Variants in STIM2 observed in about 807,000 individuals in gnomAD.
STIM2 encodes stromal interaction molecule 2.
STIM2 carries 31 observed loss-of-function variants against 85.8 expected under a neutral mutation model. The observed-to-expected ratio is 0.36, with a 90% CI of 0.27 to 0.49. The LOEUF is 0.49. Among genes scored for constraint, STIM2 ranks in the 20% least tolerant of loss-of-function variants. STIM2 has a pLI of 0.98. For missense variants in STIM2, 841 were observed against 927.6 expected (o/e 0.91, Z 1.21); for synonymous variants, 356 against 331.1 (o/e 1.08, Z -0.82).
At chr4:26,992,230 A>C (rs1005459186) in intron 3 of STIM2, among the ~76,000 whole-genome samples, 3 of 152,176 alleles carry the variant, frequency 2.0e-5, no homozygotes, top group African/African-American at 7.2e-5. Flanking sequence ...AAGACTTATT[A>C]ATTAAACATG....
intron 8 of STIM2, 32 bp from the exon 9 acceptor site, chr4:27,008,396 C>A (rs760275650): frequency 2.4e-5 from 34 of 1,390,816 alleles, no homozygotes; most frequent in Non-Finnish European, 3.1e-5. Context: ...TTTTTTCAAA[C>A]CTAGCCTTAT....
Position 27,007,540 on chromosome 4 carries a change from T to C in STIM2, c.989T>C (p.Met330Thr), listed in dbSNP as rs780868761. The change falls in exon 8 of 12, where the codon ATG becomes ACG. Residue 330 changes from methionine to threonine, a missense_variant. Coordinates refer to ENST00000467087, the MANE Select transcript of STIM2 (RefSeq NM_020860.4). ...TTCCTTTCCTTCTTCTAGGTTCGCA[T>C]GGCTCTGAAAAAGGCCGAAAAAGAA... 1 of 1,537,018 alleles carries C rather than the reference T, an allele frequency of 6.5e-7. No individual in the cohort carries two copies. Among genetic ancestry groups the C allele is most frequent in the East Asian group, 2.4e-5 (1 of 42,272 alleles).
intron 10 of STIM2, among the ~76,000 whole-genome samples, chr4:27,011,343 C>T (rs1728549108): frequency 6.6e-6 from 1 of 152,132 alleles, no homozygotes. Context: ...TTAACCATAA[C>T]TTATATGTTT....
chr4:27,018,859 C>G (rs1728821189), intron 11 of STIM2, among the ~76,000 whole-genome samples: 2 of 152,200 alleles, frequency 1.3e-5, no homozygotes, highest in Non-Finnish European at 1.5e-5. Context: ...TATTTGTTGT[C>G]ACTTAATGAT....
At chr4:26,867,988 T>G (rs1722467886) in intron 1 of STIM2, among the ~76,000 whole-genome samples, 1 of 152,246 alleles carries the variant, frequency 6.6e-6, no homozygotes, top group Admixed American at 6.5e-5. Context: ...TTTTTGGCTT[T>G]ATTTCCTTTG....
chr4:27,002,272 T>C lies in STIM2; in HGVS notation c.681T>C (p.Gly227=). The change falls in exon 6 of 12, where the codon GGT becomes GGC. Residue 227 remains glycine (G), a synonymous_variant. Transcript: ENST00000467087. Reference sequence around the variant, plus strand: ...TCCTCACAGTTTCTATAGTAATTGGTGTTGGAGGCTGCTGGTTTGCTTATA... The same window carrying C: ...TCCTCACAGTTTCTATAGTAATTGGCGTTGGAGGCTGCTGGTTTGCTTATA... 1 of 1,613,436 alleles carries C rather than the reference T, an allele frequency of 6.2e-7. No individual in the cohort carries two copies. The highest frequency in any genetic ancestry group is 8.5e-7 in the Non-Finnish European group (1 of 1,179,842).
intron 2 of STIM2, among the ~76,000 whole-genome samples, chr4:26,954,233 A>G (rs1560218480): frequency 6.6e-6 from 1 of 152,194 alleles, no homozygotes; most frequent in Non-Finnish European, 1.5e-5. Context: ...CCCAAACTGG[A>G]TATGTAAAGC....
chr4:26,911,864 GC>G (rs1367881138), intron 1 of STIM2, among the ~76,000 whole-genome samples: 2 of 152,198 alleles, frequency 1.3e-5, no homozygotes, highest in Admixed American at 6.5e-5. Flanking sequence ...TGGAGAAATA[GC>G]CATTAATCCT....
intron 2 of STIM2, among the ~76,000 whole-genome samples, chr4:26,928,235 C>G (rs1430197822): frequency 1.3e-5 from 2 of 152,170 alleles, no homozygotes; most frequent in African/African-American, 2.4e-5. Flanking sequence ...TACTTCCTAA[C>G]ACTGCCACAA....
rs183808571 is a variant in STIM2 at position 26,894,544 on chromosome 4, T to C, written c.152-24960T>C. On this transcript the variant is annotated intron_variant, in intron 1 of 11. Coordinates refer to ENST00000467087, the MANE Select transcript of STIM2 (RefSeq NM_020860.4). ...TTCAGCCAATTGCAGCACCATTTTTTTTTTTTTAACAAGTTTGAATTTTCC... is the reference window on the plus strand; with the variant it reads ...TTCAGCCAATTGCAGCACCATTTTTCTTTTTTTAACAAGTTTGAATTTTCC... 9.9e-4 allele frequency among the ~76,000 whole-genome samples: 151 copies of C among 152,310 alleles called. 1 individual carries two copies. The highest frequency in any genetic ancestry group is 9.8e-3 in the Admixed American group (150 of 15,300).
intron 6 of STIM2, 42 bp from the exon 7 acceptor site, chr4:27,002,885 G>A: frequency 1.4e-6 from 2 of 1,456,466 alleles, no homozygotes; most frequent in East Asian, 2.6e-5. Flanking sequence ...AAATAAAACT[G>A]GAAATTTTTG....
chr4:26,873,805 C>T, intron 1 of STIM2: 1 of 866,106 alleles, frequency 1.2e-6, no homozygotes, highest in Non-Finnish European at 1.9e-6. Context: ...GTAAGGGGCT[C>T]TACAAGGCAG....
At chr4:26,999,080 C>T (rs957410799) in intron 4 of STIM2, 152 bp from the exon 5 acceptor site, 4 of 287,928 alleles carry the variant, frequency 1.4e-5, no homozygotes, top group East Asian at 6.2e-5. Flanking sequence ...AAACATGTAA[C>T]AAATTATTAA....
intron 3 of STIM2, among the ~76,000 whole-genome samples, chr4:26,985,485 A>G (rs1042337599): frequency 6.6e-6 from 1 of 152,198 alleles, no homozygotes; most frequent in Non-Finnish European, 1.5e-5. Flanking sequence ...TTCCAATAAC[A>G]CAAATATTTT....
intron 2 of STIM2, among the ~76,000 whole-genome samples, chr4:26,937,238 A>G (rs2109079019): frequency 6.6e-6 from 1 of 152,268 alleles, no homozygotes; most frequent in African/African-American, 2.4e-5. Flanking sequence ...CTGTTTCATT[A>G]ATTTTTAGTT....
intron 1 of STIM2, among the ~76,000 whole-genome samples, chr4:26,871,271 A>G (rs2109028753): frequency 6.6e-6 from 1 of 152,274 alleles, no homozygotes; most frequent in South Asian, 2.1e-4. Flanking sequence ...AATAGTTCGT[A>G]CTTTAAAAAA....
intron 3 of STIM2, among the ~76,000 whole-genome samples, chr4:26,966,594 A>T (rs1726730315): frequency 6.6e-6 from 1 of 152,164 alleles, no homozygotes; most frequent in African/African-American, 2.4e-5. Context: ...TGTAAATTAC[A>T]AATATTAATA....
At chr4:26,867,190 A>C (rs1288479574) in intron 1 of STIM2, among the ~76,000 whole-genome samples, 1 of 152,232 alleles carries the variant, frequency 6.6e-6, no homozygotes, top group Non-Finnish European at 1.5e-5. Context: ...TATGAAGTTT[A>C]AGATATAAAA....
intron 3 of STIM2, among the ~76,000 whole-genome samples, chr4:26,978,109 A>G (rs138348235): frequency 1.3e-5 from 2 of 152,190 alleles, no homozygotes; most frequent in Non-Finnish European, 2.9e-5. Context: ...TGGATTAAAC[A>G]GGAAGTAAGG....
Sources: gnomAD v4.1 joint callset for allele counts (sites outside exome capture counted in the v4.1 genomes callset) on GRCh38, gnomAD v4.1.1 for gene constraint, MANE v1.5 for transcripts, NCBI Gene and HGNC (gene_info 2026-07-23, HGNC 2026-07-21) for gene names.